Variants in HYDIN observed in about 807,000 individuals in gnomAD.
HYDIN encodes axonemal central pair apparatus protein HYDIN.
Under a neutral mutation model 403.9 loss-of-function variants are expected in HYDIN, and 132 were observed. The ratio of observed to expected loss-of-function variants is 0.33; its 90% CI spans 0.28 to 0.38. The LOEUF (loss-of-function observed/expected upper bound fraction) is 0.38. Among genes scored for constraint, HYDIN ranks in the 10% least tolerant of loss-of-function variants. The pLI is 1.00. For missense variants in HYDIN, 2,827 were observed against 5,009.5 expected, an observed-to-expected ratio of 0.56 and a Z score of 13.15; for synonymous variants, 1,202 against 1,891.7, an observed-to-expected ratio of 0.64 and a Z score of 9.46.
intron 13 of HYDIN, among the ~76,000 whole-genome samples, chr16:71,072,555 T>C (rs1018274859): frequency 6.7e-6 from 1 of 150,090 alleles, no homozygotes; most frequent in African/African-American, 2.4e-5. Flanking sequence ...AATTTCACAA[T>C]CTTTGGGAAA....
chr16:70,905,026 A>G (rs2076495946), intron 50 of HYDIN, among the ~76,000 whole-genome samples: 1 of 152,160 alleles, frequency 6.6e-6, no homozygotes, highest in African/African-American at 2.4e-5. Context: ...GAAGCAAACC[A>G]GAAGGCCCAA....
At chr16:70,985,035 G>A (rs1268990185) in intron 28 of HYDIN, 150 bp downstream of exon 28, 1 of 688,570 alleles carries the variant, frequency 1.5e-6, no homozygotes, top group East Asian at 2.8e-5. Context: ...GAGCGAAGTG[G>A]CTTGGATTTA....
chr16:70,996,152 G>T (rs2079525620), intron 23 of HYDIN, among the ~76,000 whole-genome samples: 1 of 151,920 alleles, frequency 6.6e-6, no homozygotes, highest in Non-Finnish European at 1.5e-5. Context: ...TCAGGCAGAG[G>T]TGAGACTTCT....
chr16:71,055,600 T>TG (rs1451660855), intron 18 of HYDIN, among the ~76,000 whole-genome samples: 1 of 151,868 alleles, frequency 6.6e-6, no homozygotes, highest in African/African-American at 2.4e-5. Context: ...GCCATATCAC[T>TG]GTGTATGGCT....
intron 1 of HYDIN, among the ~76,000 whole-genome samples, chr16:71,219,773 C>G (rs1249141127): frequency 6.6e-6 from 1 of 152,206 alleles, no homozygotes; most frequent in Admixed American, 6.5e-5. Context: ...CAGCAATAAT[C>G]CTACAATTAT....
chr16:71,211,121 G>C (rs569548330), intron 1 of HYDIN, among the ~76,000 whole-genome samples: 3 of 152,202 alleles, frequency 2.0e-5, no homozygotes, highest in African/African-American at 4.8e-5. Context: ...ATTAAAGCTG[G>C]CCACTCCATT....
At chr16:71,165,591 G>C (rs2086186397) in intron 5 of HYDIN, among the ~76,000 whole-genome samples, 1 of 151,540 alleles carries the variant, frequency 6.6e-6, no homozygotes, top group Non-Finnish European at 1.5e-5. Flanking sequence ...CCAGTACCTA[G>C]AACAGAGCCT....
In HYDIN at chr16:70,943,864, C is replaced by A. The variant is rs931342349; in HGVS notation, c.6617G>T (p.Ser2206Ile). The A allele has an allele frequency of 6.2e-7, 1 of 1,613,596 alleles. No homozygotes were observed. ...GAGAAGTTCATCCGGGAGCACACAG[C>A]TCATCAGCCCGGTCTCGCCTCCGAC... is the stretch of plus-strand genomic sequence containing the variant. The part of the protein sequence containing the change: ...PSVGGETGLM[S>I]CVLPDELLVQ... Residue 2206 changes from serine to isoleucine, a missense_variant, in exon 42 of 86, where the codon AGC becomes ATC. Physicochemically the swap from Ser to Ile is moderately radical, Grantham distance 142. Coordinates refer to ENST00000393567, the MANE Select transcript of HYDIN (RefSeq NM_001270974.2).
chr16:71,162,815 T>G, intron 5 of HYDIN, 85 bp from the exon 6 acceptor site: 2 of 588,466 alleles, frequency 3.4e-6, no homozygotes. Context: ...ATGAGAGGCA[T>G]TTTGCAAAAC....
chr16:71,129,568 G>A, intron 9 of HYDIN, 72 bp downstream of exon 9: 3 of 1,410,834 alleles, frequency 2.1e-6, no homozygotes, highest in South Asian at 2.9e-5. Flanking sequence ...CCCCAAGTGA[G>A]CGCTCTTATC....
intron 10 of HYDIN, chr16:71,114,146 T>A (rs1346099669): frequency 6.6e-6 from 1 of 152,016 alleles, no homozygotes; most frequent in Admixed American, 6.6e-5. Flanking sequence ...CTCCCCTTCA[T>A]AAAAAGTATT....
At chr16:71,041,115 T>C (rs1410412250) in intron 18 of HYDIN, among the ~76,000 whole-genome samples, 1 of 147,592 alleles carries the variant, frequency 6.8e-6, no homozygotes, top group Non-Finnish European at 1.5e-5. Context: ...TAGTATTTAT[T>C]TGTTGGTCAG....
chr16:70,871,064 C>A (rs922456780), intron 65 of HYDIN, among the ~76,000 whole-genome samples: 2 of 152,010 alleles, frequency 1.3e-5, no homozygotes, highest in Admixed American at 6.5e-5. Flanking sequence ...GTAGTATCTG[C>A]CTTATAGCAT....
At chr16:71,002,367 G>A (rs113533212) in intron 23 of HYDIN, among the ~76,000 whole-genome samples, 58 of 152,132 alleles carry the variant, frequency 3.8e-4, no homozygotes, top group African/African-American at 1.3e-3. Flanking sequence ...GCAACATAAT[G>A]AGACCCCCAT....
At chr16:71,204,043 T>C (rs1423900860) in intron 1 of HYDIN, 1 of 232,650 alleles carries the variant, frequency 4.3e-6, no homozygotes, top group Non-Finnish European at 8.7e-6. Flanking sequence ...CCAGCCTGGG[T>C]GACAGAGTCA....
Position 70,920,854 on chromosome 16 carries a change from G to A in HYDIN, c.7522C>T (p.Arg2508Cys), listed in dbSNP as rs773554347. 14 of 1,596,006 alleles carry A rather than the reference G, an allele frequency of 8.8e-6. No homozygotes were observed. The highest frequency in any genetic ancestry group is 1.3e-5 in the African/African-American group (1 of 74,570). Residue 2508 changes from arginine to cysteine, a missense_variant, in exon 46 of 86, where the codon CGC (arginine) becomes TGC (cysteine). By Grantham distance (180) the Arg-to-Cys change is radical. Coordinates refer to ENST00000393567, the MANE Select transcript of HYDIN (RefSeq NM_001270974.2). ...AGGCGCTCTCTCTCCCGGTCCTTGC[G>A]GCCCCTGCGCCCACCCAAGGGGACC... ...RQVPLGGRRG[R>C]KDRERERLEK...
intron 7 of HYDIN, among the ~76,000 whole-genome samples, chr16:71,139,743 A>G (rs1278173085): frequency 2.0e-5 from 3 of 152,122 alleles, no homozygotes; most frequent in African/African-American, 7.2e-5. Context: ...ATAAGATACA[A>G]GGAAGATAAA....
chr16:71,139,095 G>GAAA (rs71758936), intron 7 of HYDIN, among the ~76,000 whole-genome samples: 268 of 103,334 alleles, frequency 2.6e-3, no homozygotes, highest in Non-Finnish European at 3.2e-3. Flanking sequence ...AAATAAAGAA[G>GAAA]AAAAAAAAAA....
chr16:71,129,790 A>T lies in HYDIN; in HGVS notation c.1077T>A (p.Asp359Glu). The change falls in exon 9 of 86, where the codon GAT becomes GAA. Residue 359 changes from aspartate (D) to glutamate (E), a missense_variant. Coordinates refer to ENST00000393567, the MANE Select transcript of HYDIN (RefSeq NM_001270974.2). ...ACTCTTCAAAAAACTCATCAGTCTC[A>T]TCCTTCTCCTCTTTGATCAGATCAT... ...ACDDLIKEEK[D>E]ETDEFFEECI... 1.3e-6 allele frequency: 2 copies of T among 1,587,594 alleles called. No individual in the cohort carries two copies. The highest frequency in any genetic ancestry group is 1.7e-6 in the Non-Finnish European group (2 of 1,164,412).
Sources: allele counts gnomAD v4.1 joint callset (sites outside exome capture counted in the v4.1 genomes callset), GRCh38; gene constraint gnomAD v4.1.1; transcripts MANE v1.5; gene names NCBI Gene and HGNC (gene_info 2026-07-23, HGNC 2026-07-21).